Variants in ANKMY1 observed in about 807,000 individuals in gnomAD.
The protein encoded by ANKMY1 is ankyrin repeat and MYND domain containing 1, also known as ankyrin repeat and MYND domain-containing protein 1.
In ANKMY1, 98 loss-of-function variants were observed where a neutral mutation model predicts 102.0. The observed-to-expected ratio is 0.96, with a 90% CI of 0.82 to 1.14. ANKMY1 has a LOEUF of 1.14. Ranked by LOEUF, ANKMY1 falls within the 50% of genes most tolerant of loss-of-function variation. The probability of loss-of-function intolerance (pLI) is 0.00; values close to 1 mark genes in which losing one functional copy is unlikely to be tolerated. For missense variants in ANKMY1, 1,330 were observed against 1,347.6 expected (o/e 0.99, Z 0.20); for synonymous variants, 582 against 559.9 (o/e 1.04, Z -0.56).
the ANKMY1 span, among the ~76,000 whole-genome samples, chr2:240,471,872 T>C: frequency 0.73 from 110,832 of 152,024 alleles, 41,639 homozygotes; most frequent in African/African-American, 0.9. Flanking sequence ...ATGGACTCAA[T>C]GGCAGCCTTG....
downstream of ANKMY1, among the ~76,000 whole-genome samples, chr2:240,478,762 T>A (rs1167867854): frequency 6.6e-6 from 1 of 151,196 alleles, no homozygotes; most frequent in Admixed American, 6.6e-5. Flanking sequence ...GTGCAGCTGC[T>A]TTGACAGCCA....
chr2:240,550,758 T>A (rs1008938470), intron 4 of ANKMY1, among the ~76,000 whole-genome samples: 1 of 152,198 alleles, frequency 6.6e-6, no homozygotes, highest in Non-Finnish European at 1.5e-5. Context: ...AATTCTAATA[T>A]GTTTAAATAT....
intron 4 of ANKMY1, among the ~76,000 whole-genome samples, chr2:240,551,295 A>C (rs1029298247): frequency 2.6e-5 from 4 of 152,156 alleles, no homozygotes; most frequent in African/African-American, 9.7e-5. Context: ...AATTTGAGTC[A>C]TATTTCTCTC....
Position 240,548,447 on chromosome 2 carries a change from C to T in ANKMY1, c.480+4467G>A, listed in dbSNP as rs550608049. On this transcript the variant is annotated intron_variant, in intron 4 of 17. Transcript: ENST00000401804. ...AAACTGGAAGCATTCCCTTTGAAAA[C>T]GGGCACAAGACAGGGATGCCCTCTC... Among the ~76,000 whole-genome samples, 25 of 152,202 alleles carry T rather than the reference C, an allele frequency of 1.6e-4. No homozygotes were observed. The South Asian group carries it at 1.9e-3, about 11-fold the overall frequency.
chr2:240,491,653 CT>C (rs2076669840), intron 15 of ANKMY1, among the ~76,000 whole-genome samples: 2 of 152,126 alleles, frequency 1.3e-5, no homozygotes, highest in South Asian at 4.1e-4. Flanking sequence ...TTTATATCTC[CT>C]TCATTTATGA....
chr2:240,542,431 G>A (rs938160039), intron 4 of ANKMY1, among the ~76,000 whole-genome samples: 4 of 151,964 alleles, frequency 2.6e-5, no homozygotes, highest in Non-Finnish European at 5.9e-5. Flanking sequence ...TTGAACCTGG[G>A]AGGTGGAGGT....
In ANKMY1 at chr2:240,490,823, C is replaced by T. The variant is rs186900989; in HGVS notation, c.2807-8562G>A. Among the ~76,000 whole-genome samples the T allele has an allele frequency of 5.9e-5, 9 of 152,244 alleles. No homozygotes were observed. The East Asian group carries it at 1.7e-3, about 29-fold the overall frequency. ...TTCTGCATTTGTTAGATAAAATGTT[C>T]TGTAAATGTCTGTGACGTCCATTTG... On this transcript the variant is annotated intron_variant, in intron 15 of 17. Transcript: ENST00000401804.
chr2:240,508,042 C>T (rs1461774810), intron 12 of ANKMY1, among the ~76,000 whole-genome samples: 1 of 152,238 alleles, frequency 6.6e-6, no homozygotes, highest in African/African-American at 2.4e-5. Context: ...AGAGCCAAGC[C>T]CAGGGGCCAG....
intron 4 of ANKMY1, 109 bp downstream of exon 4, chr2:240,552,805 C>T (rs779836647): frequency 1.3e-6 from 2 of 1,544,170 alleles, no homozygotes; most frequent in Non-Finnish European, 1.8e-6. Context: ...AAAAAAGCTA[C>T]TTGTAGCTAA....
At chr2:240,495,669 T>G (rs1254136145) in intron 15 of ANKMY1, among the ~76,000 whole-genome samples, 1 of 152,098 alleles carries the variant, frequency 6.6e-6, no homozygotes, top group African/African-American at 2.4e-5. Flanking sequence ...AGTCTGGCAT[T>G]CAGGGATGCT....
At chr2:240,479,938 G>A (rs2075160839) in intron 17 of ANKMY1, among the ~76,000 whole-genome samples, 2 of 152,208 alleles carry the variant, frequency 1.3e-5, no homozygotes, top group Non-Finnish European at 2.9e-5. Flanking sequence ...TTGGCTGCGC[G>A]CGGTGGCTCA....
At chr2:240,533,981 G>T (rs557045975) in intron 4 of ANKMY1, among the ~76,000 whole-genome samples, 1 of 152,166 alleles carries the variant, frequency 6.6e-6, no homozygotes, top group Non-Finnish European at 1.5e-5. Flanking sequence ...TTCCAGAAAT[G>T]AACAATTCAT....
chr2:240,482,251 G>C lies in ANKMY1; in HGVS notation c.2817C>G (p.Ile939Met), dbSNP rs773939917. 3 of 1,612,452 alleles carry C rather than the reference G, an allele frequency of 1.9e-6. No individual in the cohort carries two copies. The African/African-American group carries it at 4.0e-5, about 22-fold the overall frequency. The change falls in exon 16 of 18, where the codon ATC (isoleucine) becomes ATG (methionine). Residue 939 changes from isoleucine to methionine, a missense_variant. Ile to Met is a conservative substitution (Grantham distance 10). Transcript: ENST00000401804. ...CCTTCTTCTTCATCCTGTGGCTGGGGATCAGCTCCGCTGCATGAGAGAGGG... is the reference window on the plus strand; with the variant it reads ...CCTTCTTCTTCATCCTGTGGCTGGGCATCAGCTCCGCTGCATGAGAGAGGG... ...WLYLCKRAEL[I>M]PSHRMKKKGP...
chr2:240,546,080 G>A (rs1344579629), intron 4 of ANKMY1, among the ~76,000 whole-genome samples: 4 of 152,062 alleles, frequency 2.6e-5, no homozygotes, highest in African/African-American at 9.7e-5. Flanking sequence ...AAGTTGAAAT[G>A]AAGGAAAAAA....
At chr2:240,538,294 C>T (rs140286558) in intron 4 of ANKMY1, among the ~76,000 whole-genome samples, 3,262 of 152,042 alleles carry the variant, frequency 0.021, 142 homozygotes, top group African/African-American at 0.074. Flanking sequence ...GAGGCGCAGG[C>T]GGGAAATGGG....
intron 4 of ANKMY1, among the ~76,000 whole-genome samples, chr2:240,538,230 G>A (rs763740994): frequency 6.6e-6 from 1 of 152,158 alleles, no homozygotes; most frequent in Non-Finnish European, 1.5e-5. Context: ...CCCCTCTCTG[G>A]GGCTGGCCGA....
At chr2:240,512,666 C>T in intron 10 of ANKMY1, 136 bp downstream of exon 10, 1 of 1,216,458 alleles carries the variant, frequency 8.2e-7, no homozygotes, top group Non-Finnish European at 1.1e-6. Context: ...TGTTTCTATG[C>T]AGGATTTCCA....
chr2:240,513,068 C>A, intron 9 of ANKMY1, 126 bp from the exon 10 acceptor site: 1 of 1,341,994 alleles, frequency 7.5e-7, no homozygotes, highest in South Asian at 1.5e-5. Flanking sequence ...TCAGCCTCAC[C>A]TGCCTCACAA....
At chr2:240,525,014 T>C (rs980738067) in intron 7 of ANKMY1, among the ~76,000 whole-genome samples, 2 of 152,242 alleles carry the variant, frequency 1.3e-5, no homozygotes, top group Non-Finnish European at 2.9e-5. Flanking sequence ...AAACTGTATT[T>C]GTTTTATCTG....
Sources: gnomAD v4.1 joint callset for allele counts (sites outside exome capture counted in the v4.1 genomes callset) on GRCh38, gnomAD v4.1.1 for gene constraint, MANE v1.5 for transcripts, NCBI Gene and HGNC (gene_info 2026-07-23, HGNC 2026-07-21) for gene names.